The following HACL2 variants were observed in gnomAD, a reference collection of about 807,000 sequenced individuals.
The protein encoded by HACL2 is 2-hydroxyacyl-CoA lyase 2, also known as 2-hydroxyacyl-CoA lyase 1 like.
At chr19:15,116,372 A>G in the HACL2 span, 1 of 1,613,750 alleles carries the variant, frequency 6.2e-7, no homozygotes, top group Non-Finnish European at 8.5e-7. Flanking sequence ...GTCTGCCGGG[A>G]ACCCCCTTCC....
the HACL2 span, chr19:15,123,188 A>C: frequency 2.5e-6 from 4 of 1,613,970 alleles, no homozygotes; most frequent in Admixed American, 5.0e-5. This position sits in a 1 kb window ranked among gnomAD's most constrained non-coding sequence, Gnocchi z 5.1. Flanking sequence ...TCTTCACCGC[A>C]GTCACCGTGT....
At chr19:15,116,542 C>T in the HACL2 span, 23 of 1,594,508 alleles carry the variant, frequency 1.4e-5, no homozygotes, top group Admixed American at 2.0e-4. Context: ...GAAGAGGACA[C>T]AGCTGTGGGG....
chr19:15,125,081 A>G, the HACL2 span: 1 of 1,518,774 alleles, frequency 6.6e-7, no homozygotes, highest in Non-Finnish European at 8.8e-7. Context: ...TAAGAGAGAA[A>G]GGGCACTTCC....
the HACL2 span, chr19:15,119,294 A>G: frequency 6.2e-7 from 1 of 1,604,524 alleles, no homozygotes; most frequent in Admixed American, 1.7e-5. Context: ...CAAGGTCTCC[A>G]CGGCAGCCCT....
chr19:15,122,662 A>C, the HACL2 span: 6 of 1,570,108 alleles, frequency 3.8e-6, no homozygotes, highest in Non-Finnish European at 5.3e-6. This position sits in a 1 kb window ranked among gnomAD's most constrained non-coding sequence, Gnocchi z 4.0. Flanking sequence ...CGGGGGATAA[A>C]GGAGGGAATG....
chr19:15,125,066 G>T, the HACL2 span: 1 of 1,533,690 alleles, frequency 6.5e-7, no homozygotes, highest in Middle Eastern at 1.8e-4. Flanking sequence ...CCATGAGGTG[G>T]TACCTAAGAG....
chr19:15,124,496 C>A, the HACL2 span: 1 of 165,456 alleles, frequency 6.0e-6, no homozygotes, highest in Admixed American at 6.2e-5. Flanking sequence ...CACCTACTTT[C>A]AAGGAAAAGG....
chr19:15,120,095 G>A, the HACL2 span: 1 of 1,507,646 alleles, frequency 6.6e-7, no homozygotes, highest in Non-Finnish European at 9.0e-7. Context: ...CAAAAGGGAG[G>A]GGGAAGAAAC....
chr19:15,124,809 C>A, the HACL2 span: 4 of 1,365,450 alleles, frequency 2.9e-6, no homozygotes, highest in Non-Finnish European at 4.0e-6. Context: ...ACCAGTCCCT[C>A]TGGACTAGTC....
chr19:15,116,620 G>A, the HACL2 span: 11 of 935,064 alleles, frequency 1.2e-5, no homozygotes, highest in East Asian at 1.0e-4. Context: ...AGCAGCATCC[G>A]AGCAGGCAGA....
chr19:15,122,416 T>C, the HACL2 span, among the ~76,000 whole-genome samples: 1 of 151,412 alleles, frequency 6.6e-6, no homozygotes, highest in South Asian at 2.1e-4. This position sits in a 1 kb window ranked among gnomAD's most constrained non-coding sequence, Gnocchi z 4.0. Flanking sequence ...GAAGAAGAGA[T>C]GATGGAGGAG....
At chr19:15,122,371 G>A in the HACL2 span, among the ~76,000 whole-genome samples, 67,213 of 151,708 alleles carry the variant, frequency 0.44, 15,187 homozygotes, top group East Asian at 0.6. The surrounding 1 kb of genome is among the most constrained non-coding windows in gnomAD (Gnocchi z 4.0). Context: ...GGGAAAGGGA[G>A]GAGAAGAGGA....
At chr19:15,125,538 T>G in the HACL2 span, 1 of 164,226 alleles carries the variant, frequency 6.1e-6, no homozygotes, top group Admixed American at 6.1e-5. Flanking sequence ...CCCACGCCTC[T>G]CCCTTAAAGA....
the HACL2 span, chr19:15,117,741 T>A: frequency 1.2e-6 from 1 of 817,796 alleles, no homozygotes; most frequent in Non-Finnish European, 1.9e-6. Context: ...AGCCAACTAT[T>A]TGTCTCTGGT....
chr19:15,119,845 C>A, the HACL2 span: 1 of 639,698 alleles, frequency 1.6e-6, no homozygotes, highest in Non-Finnish European at 2.7e-6. Context: ...GCCACCGCGT[C>A]CAGCCAAAGG....
chr19:15,115,054 T>C, the HACL2 span: 8 of 651,154 alleles, frequency 1.2e-5, no homozygotes, highest in African/African-American at 1.8e-5. Context: ...AACGGCACAG[T>C]TGGGTCCGTG....
chr19:15,118,986 A>C, the HACL2 span, among the ~76,000 whole-genome samples: 20 of 152,372 alleles, frequency 1.3e-4, no homozygotes, highest in South Asian at 3.9e-3. Flanking sequence ...TGGTTGTTAC[A>C]GGGCAGTAGC....
the HACL2 span, chr19:15,122,692 C>G: frequency 6.2e-7 from 1 of 1,613,570 alleles, no homozygotes; most frequent in Admixed American, 1.7e-5. The surrounding 1 kb of genome is among the most constrained non-coding windows in gnomAD (Gnocchi z 4.0). Context: ...GGGCTATTCA[C>G]CAGGAGACCA....
At chr19:15,117,678 C>T in the HACL2 span, 1 of 527,208 alleles carries the variant, frequency 1.9e-6, no homozygotes, top group Admixed American at 3.2e-5. Context: ...GACCTCGTCT[C>T]TAAAAAATAA....
Sources: allele counts gnomAD v4.1 joint callset (sites outside exome capture counted in the v4.1 genomes callset), GRCh38; gene constraint gnomAD v4.1.1; non-coding constraint Gnocchi (gnomAD v3.1); transcripts MANE v1.5; gene names NCBI Gene and HGNC (gene_info 2026-07-23, HGNC 2026-07-21).